DPY19L4: variants seen among roughly 807,000 people sequenced by gnomAD.
The protein encoded by DPY19L4 is dpy-19 like 4, also known as probable C-mannosyltransferase DPY19L4.
In DPY19L4, 97 loss-of-function variants were observed where a neutral mutation model predicts 102.8. The ratio of observed to expected loss-of-function variants is 0.94; its 90% confidence interval spans 0.80 to 1.12. The LOEUF is 1.12. Ranked by LOEUF, DPY19L4 falls within the 50% of genes most tolerant of loss-of-function variation. The probability of loss-of-function intolerance (pLI) is 0.00; values close to 1 mark genes in which losing one functional copy is unlikely to be tolerated. For synonymous variants in DPY19L4, 252 were observed against 283.1 expected (o/e 0.89, Z 1.10); for missense variants, 815 against 850.4 (o/e 0.96, Z 0.52).
Position 94,726,460 on chromosome 8 carries a change from G to C in DPY19L4, c.127+19G>C. 1 of 1,565,034 alleles carries C rather than the reference G, an allele frequency of 6.4e-7. No individual in the cohort carries two copies. Among genetic ancestry groups the C allele is most frequent in the Non-Finnish European group, 8.7e-7 (1 of 1,153,648 alleles). ...CCAAAACGTAAGTTAGATAGACTTG[G>C]AATTTGTGCTACTACAAAAATAGTT... On this transcript the variant is annotated intron_variant, in intron 2 of 18. Coordinates refer to ENST00000414645, the MANE Select transcript of DPY19L4 (RefSeq NM_181787.3).
intron 13 of DPY19L4, among the ~76,000 whole-genome samples, chr8:94,776,173 C>T (rs567975850): frequency 1.3e-5 from 2 of 151,854 alleles, no homozygotes; most frequent in African/African-American, 4.8e-5. Context: ...GCTGGGACTA[C>T]AGGCGCCCAC....
At position 94,739,660 on chromosome 8, in the gene DPY19L4, G is replaced by T. The variant is rs1037399939; in HGVS notation, c.481G>T (p.Val161Leu). ...TTCCACATAGGAGATTATTGAGCCAGTGTATTTCTATATTGGCATTGTTTT... is the reference window on the plus strand; with the variant it reads ...TTCCACATAGGAGATTATTGAGCCATTGTATTTCTATATTGGCATTGTTTT... ...ATGSNEIIEP[V>L]YFYIGIVFGL... is the part of the protein sequence containing the mutation. The change falls in exon 6 of 19, where the codon GTG becomes TTG. Residue 161 changes from valine to leucine, a missense_variant. Val to Leu is a conservative substitution (Grantham distance 32). Transcript: ENST00000414645. 3 of 1,614,022 alleles carry T rather than the reference G, an allele frequency of 1.9e-6. No individual in the cohort carries two copies. The highest frequency in any genetic ancestry group is 2.5e-6 in the Non-Finnish European group (3 of 1,179,982).
In DPY19L4 at chr8:94,746,878, G is replaced by T. The variant is rs547139148; in HGVS notation, c.611+7088G>T. Reference sequence around the variant, plus strand: ...AACAGGTTCATTCGTTTCTTTTCTTGCTTTCTTTCTTTCTTTTTCTTTCTT... The same window carrying T: ...AACAGGTTCATTCGTTTCTTTTCTTTCTTTCTTTCTTTCTTTTTCTTTCTT... On this transcript the variant is annotated intron_variant, in intron 6 of 18. Coordinates refer to ENST00000414645, the MANE Select transcript of DPY19L4 (RefSeq NM_181787.3). 1.2e-3 allele frequency among the ~76,000 whole-genome samples: 166 copies of T among 141,816 alleles called. 1 individual carries two copies. Among genetic ancestry groups the T allele is most frequent in the African/African-American group, 3.7e-3 (145 of 38,908 alleles). 93.0% of individuals were successfully genotyped at this position (141,816 alleles called of 152,430 possible).
chr8:94,760,035 CA>C (rs1242704671), intron 7 of DPY19L4, among the ~76,000 whole-genome samples: 1 of 152,142 alleles, frequency 6.6e-6, no homozygotes, highest in Non-Finnish European at 1.5e-5. Context: ...CCCTGTGAGA[CA>C]CAGCAAGCAA....
intron 18 of DPY19L4, 41 bp downstream of exon 18, chr8:94,788,093 A>G (rs764328523): frequency 4.7e-6 from 5 of 1,061,192 alleles, no homozygotes; most frequent in Non-Finnish European, 6.0e-6. Flanking sequence ...GTATATATAT[A>G]TATTTTTTTT....
At chr8:94,739,848 T>G (rs1586332913) in intron 6 of DPY19L4, 58 bp downstream of exon 6, 1 of 1,581,102 alleles carries the variant, frequency 6.3e-7, no homozygotes, top group South Asian at 1.1e-5. Flanking sequence ...GTAGTCAGAG[T>G]TCTGAAAATG....
intron 6 of DPY19L4, chr8:94,744,699 C>T (rs1039724622): frequency 1.1e-5 from 4 of 372,720 alleles, no homozygotes; most frequent in Non-Finnish European, 2.1e-5. Flanking sequence ...CTCTCTTATG[C>T]TACTTAAACA....
rs1812410598 is a variant in DPY19L4 at position 94,761,930 on chromosome 8, A to G, written c.870+96A>G. 3.9e-6 allele frequency: 5 copies of G among 1,269,860 alleles called. No homozygotes were observed. The South Asian group carries it at 6.3e-5, about 16-fold the overall frequency. 78.7% of individuals were successfully genotyped at this position (1,269,860 alleles called of 1,614,324 possible). On this transcript the variant is annotated intron_variant, in intron 8 of 18. Coordinates refer to ENST00000414645, the MANE Select transcript of DPY19L4 (RefSeq NM_181787.3). ...CTCTTTTCTTCATCCATACACTCATATGGGAACCCCGATGCATACAATATT... is the reference window on the plus strand; with the variant it reads ...CTCTTTTCTTCATCCATACACTCATGTGGGAACCCCGATGCATACAATATT...
chr8:94,720,068 G>A lies in DPY19L4; in HGVS notation c.16+54G>A. 7 of 1,510,932 alleles carry A rather than the reference G, an allele frequency of 4.6e-6. No individual in the cohort carries two copies. The South Asian group carries it at 8.8e-5, about 19-fold the overall frequency. The allele number at this position is 1,510,932 out of a possible 1,614,324, so 93.6% of individuals were successfully genotyped here. A position where few individuals can be genotyped will look rare whatever the true frequency, so the allele number is the denominator to read the frequency against. On this transcript the variant is annotated intron_variant, in intron 1 of 18. Coordinates refer to ENST00000414645, the MANE Select transcript of DPY19L4 (RefSeq NM_181787.3). ...CGGCTGCCAGTGGTCTCGGGAAGGA[G>A]GGGCGGGGGCGCTGGAGGTCTGGGT...
chr8:94,729,321 G>A (rs190441257), intron 2 of DPY19L4, among the ~76,000 whole-genome samples: 258 of 152,048 alleles, frequency 1.7e-3, no homozygotes, highest in Middle Eastern at 3.4e-3. Context: ...ACAATGAGCC[G>A]AGATTGTGCC....
intron 6 of DPY19L4, among the ~76,000 whole-genome samples, 164 bp from the exon 7 acceptor site, chr8:94,755,872 G>A (rs771975592): frequency 7.8e-4 from 118 of 151,164 alleles, no homozygotes; most frequent in Non-Finnish European, 1.2e-3. Context: ...ACGACAGAGC[G>A]AGACTCCATC....
intron 2 of DPY19L4, among the ~76,000 whole-genome samples, chr8:94,733,959 G>A (rs1352112939): frequency 1.3e-5 from 2 of 151,726 alleles, no homozygotes; most frequent in Non-Finnish European, 2.9e-5. Flanking sequence ...ACATTAGTAT[G>A]GTACATTTGT....
chr8:94,739,420 CG>C lies in DPY19L4; in HGVS notation c.352del (p.Glu118AsnfsTer2), dbSNP rs756278916. 5.1e-6 allele frequency: 8 copies of C among 1,575,270 alleles called. No individual in the cohort carries two copies. The highest frequency in any genetic ancestry group is 6.0e-6 in the Non-Finnish European group (7 of 1,166,576). The stretch of plus-strand genomic sequence containing the variant: ...AAATCTTTCTGTCTTTAGGTGTTTA[CG>C]AACTGACACACAATAACAAAACTGT... The part of the protein sequence containing the change: ...KAPSFERGVY[E>X]LTHNNKTVSL... On this transcript the variant is annotated frameshift_variant, in exon 5 of 19. Coordinates refer to ENST00000414645, the MANE Select transcript of DPY19L4 (RefSeq NM_181787.3). LOFTEE classifies it high-confidence loss of function.
In DPY19L4 at chr8:94,790,555, G is replaced by C. The variant is rs940620566; in HGVS notation, c.*645G>C. The C allele has an allele frequency of 6.6e-6, 1 of 152,268 alleles. No homozygotes were observed. The highest frequency in any genetic ancestry group is 2.4e-5 in the African/African-American group (1 of 41,444). 9.4% of individuals were successfully genotyped at this position (152,268 alleles called of 1,614,324 possible). On this transcript the variant is annotated 3_prime_UTR_variant, in exon 19 of 19. Coordinates refer to ENST00000414645, the MANE Select transcript of DPY19L4 (RefSeq NM_181787.3). ...TTCTTAGTAATACATAATGCATGAT[G>C]TTACTGCATTTTCTAAATGACTAGT...
chr8:94,750,179 C>T (rs1811855263), intron 6 of DPY19L4, among the ~76,000 whole-genome samples: 1 of 152,306 alleles, frequency 6.6e-6, no homozygotes, highest in East Asian at 1.9e-4. Flanking sequence ...TGGTCTTGGA[C>T]TCCTGGCCTC....
chr8:94,730,760 T>G (rs1371037759), intron 2 of DPY19L4, among the ~76,000 whole-genome samples: 30 of 137,820 alleles, frequency 2.2e-4, no homozygotes, highest in Non-Finnish European at 4.3e-4. Flanking sequence ...TTTTTTTTTT[T>G]TTGAGACGGA....
intron 14 of DPY19L4, among the ~76,000 whole-genome samples, chr8:94,779,446 C>T (rs1813333290): frequency 6.6e-6 from 1 of 151,886 alleles, no homozygotes; most frequent in South Asian, 2.1e-4. Flanking sequence ...CCTCATCCTC[C>T]TGAGTAGCTG....
intron 14 of DPY19L4, 82 bp from the exon 15 acceptor site, chr8:94,780,277 G>A (rs1273968284): frequency 9.5e-7 from 1 of 1,051,460 alleles, no homozygotes; most frequent in Non-Finnish European, 1.3e-6. Flanking sequence ...ATATATGATT[G>A]GTCATAGAAT....
intron 3 of DPY19L4, among the ~76,000 whole-genome samples, chr8:94,735,155 G>GT (rs1384119848): frequency 4.6e-5 from 7 of 152,276 alleles, no homozygotes; most frequent in African/African-American, 1.7e-4. Flanking sequence ...GCATCACATA[G>GT]TATTAAGATT....
Sources: allele counts gnomAD v4.1 joint callset (sites outside exome capture counted in the v4.1 genomes callset), GRCh38; gene constraint gnomAD v4.1.1; transcripts MANE v1.5; gene names NCBI Gene and HGNC (gene_info 2026-07-23, HGNC 2026-07-21).